The following MCUB variants were observed in gnomAD, a reference collection of about 807,000 sequenced individuals.
MCUB encodes the protein mitochondrial calcium uniporter dominant negative subunit beta, also known as calcium uniporter regulatory subunit MCUb, mitochondrial.
In MCUB, 46 loss-of-function variants were observed where a neutral mutation model predicts 41.4. That is an observed-to-expected ratio of 1.11 (90% CI 0.88 to 1.42). The LOEUF is 1.42. MCUB is among the 40% of genes most tolerant of loss of function. The pLI is 0.00. For missense variants in MCUB, 403 were observed against 404.9 expected (o/e 1.00, Z 0.04); for synonymous variants, 148 against 148.2 (o/e 1.00, Z 0.01).
rs138245059 is a variant in MCUB at position 109,634,211 on chromosome 4, G to A, written c.100-24800G>A. Among the ~76,000 whole-genome samples, 851 of 151,888 alleles carry A rather than the reference G, an allele frequency of 5.6e-3. 7 individuals carry two copies. The highest frequency in any genetic ancestry group is 0.019 in the African/African-American group (802 of 41,444). On this transcript the variant is annotated intron_variant, in intron 1 of 7. Coordinates refer to ENST00000394650, the MANE Select transcript of MCUB (RefSeq NM_017918.5). ...AAGTGTCTCCATGCAGGCCAGGCAC[G>A]GTGGCTCATGCCTGTAATCCCAGCA...
chr4:109,685,227 C>A, intron 6 of MCUB, 24 bp from the exon 7 acceptor site: 1 of 909,154 alleles, frequency 1.1e-6, no homozygotes, highest in Non-Finnish European at 1.7e-6. Flanking sequence ...ATGTTGTTTT[C>A]TTCTCTCTCT....
At chr4:109,569,901 G>A (rs1446317030) in intron 1 of MCUB, among the ~76,000 whole-genome samples, 2 of 152,188 alleles carry the variant, frequency 1.3e-5, no homozygotes, top group African/African-American at 2.4e-5. Context: ...ATTGTGAGAT[G>A]AATGCTGTTG....
intron 4 of MCUB, among the ~76,000 whole-genome samples, chr4:109,665,140 G>T (rs58830158): frequency 1.3e-5 from 2 of 151,984 alleles, no homozygotes; most frequent in South Asian, 4.1e-4. Context: ...TTACATTAGG[G>T]TTTACTCTTG....
intron 4 of MCUB, among the ~76,000 whole-genome samples, chr4:109,668,863 G>A (rs1729398315): frequency 1.3e-5 from 2 of 151,890 alleles, no homozygotes; most frequent in South Asian, 4.1e-4. Context: ...ACTATTGCAA[G>A]TCCACTTTCA....
At chr4:109,682,445 T>G in intron 4 of MCUB, 137 bp from the exon 5 acceptor site, 1 of 676,250 alleles carries the variant, frequency 1.5e-6, no homozygotes, top group Non-Finnish European at 2.5e-6. Context: ...ACACCTTTGT[T>G]TACATGTTTG....
chr4:109,600,782 T>G (rs1027907832), intron 1 of MCUB, among the ~76,000 whole-genome samples: 8 of 152,132 alleles, frequency 5.3e-5, no homozygotes, highest in African/African-American at 1.9e-4. Flanking sequence ...TTGACACGTA[T>G]TTTTATTATA....
In MCUB at chr4:109,627,358, T is replaced by TATGATAC. The variant is rs1266001398; in HGVS notation, c.100-31647_100-31641dup. ...CAATAATTACTTGAGGATAAGGTGG[T>TATGATAC]ATGATACATGATTTCAGGGAATTGA... On this transcript the variant is annotated intron_variant, in intron 1 of 7. Transcript: ENST00000394650. Among the ~76,000 whole-genome samples the TATGATAC allele has an allele frequency of 2.6e-5, 4 of 152,338 alleles. No individual in the cohort carries two copies. In the East Asian group the frequency reaches 7.7e-4, roughly 29 times the overall value.
chr4:109,679,787 T>TTTGTTGTTG (rs377253519), intron 4 of MCUB, among the ~76,000 whole-genome samples: 4,722 of 151,646 alleles, frequency 0.031, 239 homozygotes, highest in African/African-American at 0.11. Context: ...GAGGTATAAT[T>TTTGTTGTTG]TTGTTGTTGT....
chr4:109,577,598 C>CTTTT lies in MCUB; in HGVS notation c.99+17188_99+17191dup, dbSNP rs71594195. The stretch of plus-strand genomic sequence containing the variant: ...ATAGCCTAAAATGGGTACTTGAATT[C>CTTTT]TTTTTTTTTTTTTTTTTTTTTTTTT... On this transcript the variant is annotated intron_variant, in intron 1 of 7. Transcript: ENST00000394650. Among the ~76,000 whole-genome samples the CTTTT allele has an allele frequency of 2.3e-4, 11 of 48,662 alleles. 1 individual carries two copies. The highest frequency in any genetic ancestry group is 6.3e-4 in the East Asian group (1 of 1,592). 31.9% of individuals were successfully genotyped at this position (48,662 alleles called of 152,430 possible). A position where few individuals can be genotyped will look rare whatever the true frequency, so the allele number is the denominator to read the frequency against.
intron 1 of MCUB, among the ~76,000 whole-genome samples, chr4:109,603,592 G>T (rs147305704): frequency 0.026 from 3,863 of 151,218 alleles, 128 homozygotes; most frequent in South Asian, 0.074. Context: ...CTACCTGGCC[G>T]CCACCCTGTC....
intron 4 of MCUB, among the ~76,000 whole-genome samples, chr4:109,682,272 C>G (rs750603859): frequency 6.6e-6 from 1 of 151,314 alleles, no homozygotes; most frequent in South Asian, 2.1e-4. Flanking sequence ...TGCTTATGCT[C>G]AATTGCCTTC....
chr4:109,590,340 A>G (rs1727401432), intron 1 of MCUB, among the ~76,000 whole-genome samples: 1 of 152,176 alleles, frequency 6.6e-6, no homozygotes, highest in Non-Finnish European at 1.5e-5. Flanking sequence ...TAGTTTAAAT[A>G]CTTTCTACTC....
intron 1 of MCUB, among the ~76,000 whole-genome samples, chr4:109,603,449 C>T (rs923083566): frequency 6.6e-6 from 1 of 152,176 alleles, no homozygotes; most frequent in Non-Finnish European, 1.5e-5. Flanking sequence ...TCTCTACAAC[C>T]TCCACCTCCC....
chr4:109,659,884 C>A (rs1729189528), intron 2 of MCUB, among the ~76,000 whole-genome samples: 1 of 152,194 alleles, frequency 6.6e-6, no homozygotes, highest in East Asian at 1.9e-4. Flanking sequence ...TCTCAAACTT[C>A]TGCGCTCAGG....
intron 1 of MCUB, among the ~76,000 whole-genome samples, chr4:109,578,584 C>T (rs1727089199): frequency 6.6e-6 from 1 of 152,056 alleles, no homozygotes; most frequent in Non-Finnish European, 1.5e-5. Flanking sequence ...ACTGCAGCCT[C>T]AACCTCCTGG....
intron 1 of MCUB, among the ~76,000 whole-genome samples, chr4:109,630,352 C>T (rs1227035691): frequency 6.6e-6 from 1 of 152,122 alleles, no homozygotes; most frequent in African/African-American, 2.4e-5. Context: ...GTCGCAGCTA[C>T]TCAGGAGGCT....
intron 1 of MCUB, among the ~76,000 whole-genome samples, chr4:109,598,154 G>A (rs1727627703): frequency 6.7e-6 from 1 of 148,330 alleles, no homozygotes; most frequent in Non-Finnish European, 1.5e-5. Flanking sequence ...CAGACGATGG[G>A]CAGCCAGGCA....
intron 1 of MCUB, among the ~76,000 whole-genome samples, chr4:109,593,760 C>T (rs186452979): frequency 4.1e-4 from 62 of 152,226 alleles, no homozygotes; most frequent in Middle Eastern, 6.8e-3. Flanking sequence ...CTAATTATGT[C>T]GCATTAGAAG....
chr4:109,586,550 T>G (rs577445866), intron 1 of MCUB, among the ~76,000 whole-genome samples: 1 of 152,334 alleles, frequency 6.6e-6, no homozygotes, highest in East Asian at 1.9e-4. Context: ...TTTTAGAATT[T>G]TCAGCTTTTC....
Sources: allele counts gnomAD v4.1 joint callset (sites outside exome capture counted in the v4.1 genomes callset), GRCh38; gene constraint gnomAD v4.1.1; transcripts MANE v1.5; gene names NCBI Gene and HGNC (gene_info 2026-07-23, HGNC 2026-07-21).